The following LPCAT4 variants were observed in gnomAD, a reference collection of about 807,000 sequenced individuals.
LPCAT4 encodes the protein lysophosphatidylcholine acyltransferase 4, also known as lysophospholipid acyltransferase LPCAT4.
LPCAT4 carries 30 observed loss-of-function variants against 66.5 expected under a neutral mutation model. The ratio of observed to expected loss-of-function variants is 0.45; its 90% CI spans 0.34 to 0.61. The LOEUF (loss-of-function observed/expected upper bound fraction) is 0.61. Ranked by LOEUF, LPCAT4 falls within the 20% of genes least tolerant of loss-of-function variation. LPCAT4 has a pLI of 0.01. For missense variants in LPCAT4, 557 were observed against 656.7 expected (o/e 0.85, Z 1.66); for synonymous variants, 253 against 262.1 (o/e 0.97, Z 0.34).
intron 8 of LPCAT4, 24 bp from the exon 9 acceptor site, chr15:34,362,679 C>T (rs373894781): frequency 2.5e-6 from 4 of 1,610,886 alleles, no homozygotes; most frequent in Non-Finnish European, 3.4e-6. Context: ...ACACACAATT[C>T]TTATCAGAAC....
intron 1 of LPCAT4, 167 bp downstream of exon 1, chr15:34,366,820 C>T: frequency 2.1e-6 from 2 of 972,892 alleles, no homozygotes; most frequent in South Asian, 1.5e-5. Context: ...TCCAGGACTC[C>T]TTGCCCAACC....
chr15:34,364,719 G>T, intron 3 of LPCAT4: 1 of 366,788 alleles, frequency 2.7e-6, no homozygotes, highest in East Asian at 4.9e-5. Context: ...CTCCCAACGT[G>T]CTGGGATTAT....
In LPCAT4 at chr15:34,362,325, C is replaced by T. The variant is rs1294350913; in HGVS notation, c.885-4G>A. ...GGTGGCTGGAATGCCCAGAGCCCTACAGGATGAAGAGGGATGGGATGGAGG... is the reference window on the plus strand; with the variant it reads ...GGTGGCTGGAATGCCCAGAGCCCTATAGGATGAAGAGGGATGGGATGGAGG... On this transcript the variant is annotated splice_region_variant and splice_polypyrimidine_tract_variant and intron_variant, in intron 9 of 13. Transcript: ENST00000314891. 7 of 1,614,148 alleles carry T rather than the reference C, an allele frequency of 4.3e-6. No homozygotes were observed. In the South Asian group the frequency reaches 6.6e-5, roughly 15 times the overall value.
intron 7 of LPCAT4, 45 bp from the exon 8 acceptor site, chr15:34,362,881 G>A (rs376463652): frequency 1.3e-6 from 2 of 1,598,444 alleles, no homozygotes; most frequent in Admixed American, 1.7e-5. Context: ...CTAACTATGG[G>A]CTCCTTCCCT....
intron 1 of LPCAT4, 139 bp downstream of exon 1, chr15:34,366,848 C>A: frequency 1.5e-6 from 2 of 1,343,592 alleles, no homozygotes; most frequent in African/African-American, 1.5e-5. Flanking sequence ...CCCCCACGTG[C>A]GCACCCCCGG....
rs766554622 is a variant in LPCAT4 at position 34,361,525 on chromosome 15, C to T, written c.1018G>A (p.Ala340Thr). 1.2e-6 allele frequency: 2 copies of T among 1,613,506 alleles called. No homozygotes were observed. Among genetic ancestry groups the T allele is most frequent in the Middle Eastern group, 1.6e-4 (1 of 6,062 alleles). The part of the protein sequence containing the change: ...GKVLRKAGLS[A>T]GYVDAGAEPG... ...TCTGCCCCAGCGTCCACATAGCCAG[C>T]GGACAGCCTACGATGGAATTGTTGA... Residue 340 changes from alanine to threonine, a missense_variant, in exon 11 of 14, where the codon GCT becomes ACT. Coordinates refer to ENST00000314891, the MANE Select transcript of LPCAT4 (RefSeq NM_153613.3).
Position 34,363,991 on chromosome 15 carries a change from C to T in LPCAT4, c.652+22G>A. ...GGAACTTCTTTTTCCTACAGCCCAC[C>T]ACCCACTATCATTTTATTCACCTGG... On this transcript the variant is annotated intron_variant, in intron 5 of 13. Transcript: ENST00000314891. This position sits in a 1 kb window ranked among gnomAD's most constrained non-coding sequence, Gnocchi z 4.3. 6.2e-7 allele frequency: 1 copy of T among 1,606,380 alleles called. No individual in the cohort carries two copies. The highest frequency in any genetic ancestry group is 8.5e-7 in the Non-Finnish European group (1 of 1,173,514).
chr15:34,362,468 A>G (rs916620959), intron 9 of LPCAT4, 105 bp downstream of exon 9: 5 of 1,402,734 alleles, frequency 3.6e-6, no homozygotes, highest in Non-Finnish European at 3.9e-6. Flanking sequence ...AGCCCTTCCC[A>G]CTGCCTGCTC....
chr15:34,364,350 C>A, intron 3 of LPCAT4, 44 bp from the exon 4 acceptor site: 2 of 1,265,660 alleles, frequency 1.6e-6, no homozygotes, highest in East Asian at 2.3e-5. Flanking sequence ...TCTTTCCTAC[C>A]CAGGGGCAGT....
rs1595616816 is a variant in LPCAT4, at chr15:34,359,182, T to G, written c.1520A>C (p.Asn507Thr). Reference sequence around the variant, plus strand: ...AGTCCCATTGGCCAGAGCAGTGGGGTTGCCTGGGGATGAGGCATTTGGTGT... The same window carrying G: ...AGTCCCATTGGCCAGAGCAGTGGGGGTGCCTGGGGATGAGGCATTTGGTGT... ...SQTPNASSPG[N>T]PTALANGTVQ... is the part of the protein sequence containing the mutation. Residue 507 changes from asparagine to threonine, a missense_variant, in exon 14 of 14, where the codon AAC (asparagine) becomes ACC (threonine). This residue lies in a region of LPCAT4 where 392 missense variants were observed against 473.9 expected (regional missense o/e 0.83). Coordinates refer to ENST00000314891, the MANE Select transcript of LPCAT4 (RefSeq NM_153613.3). 6.2e-7 allele frequency: 1 copy of G among 1,606,072 alleles called. No individual in the cohort carries two copies. The highest frequency in any genetic ancestry group is 8.5e-7 in the Non-Finnish European group (1 of 1,176,832).
At chr15:34,364,589 A>ATTTTTT in intron 3 of LPCAT4, 1 of 105,578 alleles carries the variant, frequency 9.5e-6, no homozygotes, top group Non-Finnish European at 1.6e-5. Flanking sequence ...ACGCCCGGCT[A>ATTTTTT]ATTTTTTTTT....
chr15:34,364,258 G>T lies in LPCAT4; in HGVS notation c.527C>A (p.Ala176Asp). Residue 176 changes from alanine to aspartate, a missense_variant, in exon 4 of 14, where the codon GCT becomes GAT. Physicochemically the swap from Ala to Asp is moderately radical, Grantham distance 126. This residue lies in a region of LPCAT4 where 392 missense variants were observed against 473.9 expected (regional missense o/e 0.83). Transcript: ENST00000314891. ...CTCCTCCACCACTCTGCGTCGAGAA[G>T]CCGGGTCATGCCGGGATACCAGGAT... ...QAILVSRHDPASRRRVVEEVR... is the reference protein window; with the variant it reads ...QAILVSRHDPDSRRRVVEEVR... The T allele has an allele frequency of 2.5e-6, 4 of 1,614,130 alleles. No individual in the cohort carries two copies. Among genetic ancestry groups the T allele is most frequent in the Non-Finnish European group, 3.4e-6 (4 of 1,179,954 alleles).
At position 34,360,184 on chromosome 15, in the gene LPCAT4, C is replaced by T. The variant is rs1193108638; in HGVS notation, c.1169G>A (p.Arg390Gln). 1 of 1,614,040 alleles carries T rather than the reference C, an allele frequency of 6.2e-7. No individual in the cohort carries two copies. The highest frequency in any genetic ancestry group is 1.3e-5 in the African/African-American group (1 of 74,996). ...AGCTGCTAGTGCAAGGGCCACATCT[C>T]GGAAGTCCACCAAACCCTTGGTATC... ...QQDTKGLVDF[R>Q]DVALALAALD... is the part of the protein sequence containing the mutation. Residue 390 changes from arginine (R) to glutamine (Q), a missense_variant, in exon 12 of 14, where the codon CGA becomes CAA. Physicochemically the swap from Arg to Gln is conservative, Grantham distance 43. Around this residue, in one of 4 missense-constraint regions of LPCAT4, gnomAD observed 392 missense variants for 473.9 expected, o/e 0.83. Transcript: ENST00000314891.
At position 34,363,946 on chromosome 15, in the gene LPCAT4, C is replaced by T. The variant is rs1891008553; in HGVS notation, c.652+67G>A. The T allele has an allele frequency of 6.5e-7, 1 of 1,527,942 alleles. No homozygotes were observed. The highest frequency in any genetic ancestry group is 1.4e-5 in the African/African-American group (1 of 72,880). The allele number at this position is 1,527,942 out of a possible 1,614,324, so 94.6% of individuals were successfully genotyped here. On this transcript the variant is annotated intron_variant, in intron 5 of 13. Transcript: ENST00000314891. The surrounding 1 kb of genome is among the most constrained non-coding windows in gnomAD (Gnocchi z 4.3). The stretch of plus-strand genomic sequence containing the variant: ...CCCTCTTCTACTTCTTGGGTTATTT[C>T]AGAGTCCCTCCCCAAATCTGGAACT...
At chr15:34,364,856 T>C in intron 3 of LPCAT4, 152 bp downstream of exon 3, 1 of 657,266 alleles carries the variant, frequency 1.5e-6, no homozygotes, top group Non-Finnish European at 2.6e-6. Flanking sequence ...CCTCAGAATC[T>C]AAGACTGGTT....
At chr15:34,365,429 C>T in intron 2 of LPCAT4, 130 bp downstream of exon 2, 1 of 1,339,194 alleles carries the variant, frequency 7.5e-7, no homozygotes, top group Non-Finnish European at 1.0e-6. Flanking sequence ...CTGAGCTTGG[C>T]TGACTCATCT....
chr15:34,364,606 T>TTTCTTTA (rs1555395815), intron 3 of LPCAT4: 1 of 249,452 alleles, frequency 4.0e-6, no homozygotes, highest in Non-Finnish European at 7.7e-6. Flanking sequence ...TTTTTTTTTT[T>TTTCTTTA]ACGCCCGGCT....
chr15:34,363,327 G>A lies in LPCAT4; in HGVS notation c.746+95C>T. The stretch of plus-strand genomic sequence containing the variant: ...GTTCTCTCAGTCCTCAGATGAAGAA[G>A]GGCCATTCACCTTGTCGGGAGATTG... On this transcript the variant is annotated intron_variant, in intron 7 of 13. Coordinates refer to ENST00000314891, the MANE Select transcript of LPCAT4 (RefSeq NM_153613.3). This position sits in a 1 kb window ranked among gnomAD's most constrained non-coding sequence, Gnocchi z 4.3. 1 of 1,314,870 alleles carries A rather than the reference G, an allele frequency of 7.6e-7. No individual in the cohort carries two copies. Among genetic ancestry groups the A allele is most frequent in the Non-Finnish European group, 1.1e-6 (1 of 933,210 alleles). The allele number at this position is 1,314,870 out of a possible 1,614,324, so 81.5% of individuals were successfully genotyped here.
chr15:34,364,197 C>G lies in LPCAT4; in HGVS notation c.588G>C (p.Pro196=). ...TGGTCTTGAGACCCTTACCCACCTG[C>G]GGCCACTTGCCTCCTGAGGTGGCCC... ...RRRATSGGKW[P]QVLFFPEGTC... The change falls in exon 4 of 14, where the codon CCG becomes CCC. Residue 196 remains proline (P), a synonymous_variant. Transcript: ENST00000314891. 1 of 1,609,532 alleles carries G rather than the reference C, an allele frequency of 6.2e-7. No individual in the cohort carries two copies. Among genetic ancestry groups the G allele is most frequent in the Non-Finnish European group, 8.5e-7 (1 of 1,175,724 alleles).
Sources: allele counts gnomAD v4.1 joint callset, GRCh38; gene constraint gnomAD v4.1.1; regional missense constraint gnomAD v4.1.1; non-coding constraint Gnocchi (gnomAD v3.1); transcripts MANE v1.5; gene names NCBI Gene and HGNC (gene_info 2026-07-23, HGNC 2026-07-21).